UFL1: variants seen among roughly 807,000 people sequenced by gnomAD.
UFL1 encodes E3 UFM1-protein ligase 1.
UFL1 carries 78 observed loss-of-function variants against 99.3 expected under a neutral mutation model. That is an observed-to-expected ratio of 0.79 (90% confidence interval 0.65 to 0.95). The LOEUF (loss-of-function observed/expected upper bound fraction) is 0.95. Among genes scored for constraint, UFL1 ranks in the 40% least tolerant of loss-of-function variants. The pLI, the probability that UFL1 is intolerant of heterozygous loss-of-function variation, is 0.00. For synonymous variants in UFL1, 335 were observed against 322.2 expected (o/e 1.04, Z -0.42); for missense variants, 936 against 937.0 (o/e 1.00, Z 0.01).
intron 13 of UFL1, among the ~76,000 whole-genome samples, 193 bp downstream of exon 13, chr6:96,548,474 C>T (rs534144324): frequency 6.6e-6 from 1 of 151,584 alleles, no homozygotes; most frequent in South Asian, 2.1e-4. Context: ...TTGTTAGGTG[C>T]TTTGGGTAAA....
chr6:96,546,099 C>T (rs1370747465), intron 12 of UFL1, among the ~76,000 whole-genome samples: 1 of 151,028 alleles, frequency 6.6e-6, no homozygotes, highest in Non-Finnish European at 1.5e-5. Context: ...TCTGATGACA[C>T]GATCATATAC....
chr6:96,532,460 G>A (rs1769795549), intron 6 of UFL1, among the ~76,000 whole-genome samples: 2 of 152,304 alleles, frequency 1.3e-5, no homozygotes, highest in Middle Eastern at 3.4e-3. Context: ...TCACCAATGT[G>A]GCAGTATTGG....
chr6:96,528,779 A>G, intron 6 of UFL1, 147 bp downstream of exon 6: 1 of 1,081,766 alleles, frequency 9.2e-7, no homozygotes, highest in Admixed American at 3.0e-5. Flanking sequence ...CAGCTTTTGT[A>G]AAATAGAAAT....
chr6:96,531,771 C>A (rs1290088897), intron 6 of UFL1, among the ~76,000 whole-genome samples: 1 of 152,096 alleles, frequency 6.6e-6, no homozygotes, highest in Non-Finnish European at 1.5e-5. Context: ...TAATTTTCAT[C>A]AAAATCAGCT....
chr6:96,528,690 T>C, intron 6 of UFL1, 58 bp downstream of exon 6: 1 of 1,509,608 alleles, frequency 6.6e-7, no homozygotes, highest in Non-Finnish European at 8.9e-7. Context: ...GTTTGCATTT[T>C]TTTCCTAGCA....
intron 17 of UFL1, among the ~76,000 whole-genome samples, 174 bp from the exon 18 acceptor site, chr6:96,552,308 T>C (rs1242915213): frequency 1.3e-5 from 2 of 152,092 alleles, no homozygotes; most frequent in Non-Finnish European, 2.9e-5. Flanking sequence ...CACACTAATC[T>C]ATCCATGCCA....
chr6:96,532,259 G>A (rs914521275), intron 6 of UFL1, among the ~76,000 whole-genome samples: 3 of 152,156 alleles, frequency 2.0e-5, no homozygotes, highest in African/African-American at 4.8e-5. Context: ...GTCCTTCAAG[G>A]AGCCTTCTAC....
intron 5 of UFL1, 142 bp from the exon 6 acceptor site, chr6:96,528,360 A>G (rs1269651294): frequency 3.1e-6 from 3 of 976,014 alleles, no homozygotes; most frequent in Non-Finnish European, 4.4e-6. Flanking sequence ...TAGTTGATAT[A>G]TCTTGTAATC....
chr6:96,525,390 G>C lies in UFL1; in HGVS notation c.346G>C (p.Asp116His). The C allele has an allele frequency of 6.3e-7, 1 of 1,596,002 alleles. No homozygotes were observed. The highest frequency in any genetic ancestry group is 8.6e-7 in the Non-Finnish European group (1 of 1,168,792). The stretch of plus-strand genomic sequence containing the variant: ...TCAGTTAGTGTTGGGACAACTGATA[G>C]ATGAGTAAGTACAATAAAGTACAAA... Reference protein sequence around the residue: ...HVQLVLGQLIDENYLDRLAEE... With the variant: ...HVQLVLGQLIHENYLDRLAEE... Residue 116 changes from aspartate (D) to histidine (H), a missense_variant, in exon 4 of 19, where the codon GAT becomes CAT. Physicochemically the swap from Asp to His is moderately conservative, Grantham distance 81 (BLOSUM62 -1). Coordinates refer to ENST00000369278, the MANE Select transcript of UFL1 (RefSeq NM_015323.5).
At chr6:96,550,183 T>C (rs545748556) in intron 15 of UFL1, among the ~76,000 whole-genome samples, 14 of 151,984 alleles carry the variant, frequency 9.2e-5, no homozygotes, top group Admixed American at 7.9e-4. Context: ...TTTTTAAAAC[T>C]CTAATCTCAA....
Position 96,548,157 on chromosome 6 carries a change from G to T in UFL1, c.1403-7G>T. On this transcript the variant is annotated splice_region_variant and splice_polypyrimidine_tract_variant and intron_variant, in intron 12 of 18. Coordinates refer to ENST00000369278, the MANE Select transcript of UFL1 (RefSeq NM_015323.5). ...TATTTATTTGCCATTGCTCATGTCC[G>T]ATATAGGAAAGAAGAAGCCAGAGAT... The T allele has an allele frequency of 1.3e-6, 2 of 1,560,530 alleles. No individual in the cohort carries two copies. Among genetic ancestry groups the T allele is most frequent in the Middle Eastern group, 1.7e-4 (1 of 5,956 alleles).
In UFL1 at chr6:96,537,546, T is replaced by C; in HGVS notation, c.975T>C (p.Ile325=). The C allele has an allele frequency of 6.3e-7, 1 of 1,579,026 alleles. No individual in the cohort carries two copies. The highest frequency in any genetic ancestry group is 2.3e-5 in the East Asian group (1 of 43,624). Residue 325 remains isoleucine, a synonymous_variant, in exon 9 of 19, where the codon ATT becomes ATC. Coordinates refer to ENST00000369278, the MANE Select transcript of UFL1 (RefSeq NM_015323.5). ...EAISSGTWVD[I]APLLPTSLSV... is the part of the protein sequence containing the mutation. ...TCAGCTCTGGAACATGGGTTGATAT[T>C]GCAGTATGTTTTATCTTTTCCTCAC...
rs761765154 is a variant in UFL1, at chr6:96,549,690, C to A, written c.1709C>A (p.Thr570Asn). 8 of 1,611,520 alleles carry A rather than the reference C, an allele frequency of 5.0e-6. No homozygotes were observed. In the East Asian group the frequency reaches 6.7e-5, roughly 13 times the overall value. ...FFADDTQAAL[T>N]KHLLKSVCTD... ...CCAGATGACACACAGGCTGCTCTTA[C>A]CAAACACTTGCTGAAGTCAGTGTGT... The change falls in exon 15 of 19, where the codon ACC (threonine) becomes AAC (asparagine). Residue 570 changes from threonine (T) to asparagine (N), a missense_variant. Coordinates refer to ENST00000369278, the MANE Select transcript of UFL1 (RefSeq NM_015323.5).
chr6:96,525,070 TTC>T (rs1769679448), intron 3 of UFL1, among the ~76,000 whole-genome samples: 1 of 151,756 alleles, frequency 6.6e-6, no homozygotes, highest in Admixed American at 6.6e-5. Flanking sequence ...ATTTCTTTCT[TTC>T]TTTTTTTTTT....
chr6:96,544,384 A>G (rs1186727794), intron 12 of UFL1, among the ~76,000 whole-genome samples: 1 of 150,834 alleles, frequency 6.6e-6, no homozygotes, highest in Non-Finnish European at 1.5e-5. Context: ...CCTCTTCCTT[A>G]TCCCCAGCAA....
chr6:96,549,650 A>G lies in UFL1; in HGVS notation c.1688-19A>G, dbSNP rs1371011631. The G allele has an allele frequency of 6.9e-6, 11 of 1,596,470 alleles. No individual in the cohort carries two copies. The highest frequency in any genetic ancestry group is 1.4e-5 in the African/African-American group (1 of 73,798). On this transcript the variant is annotated intron_variant, in intron 14 of 18. Transcript: ENST00000369278. Reference sequence around the variant, plus strand: ...TTTGGGGAATAAATTAGTTTTAATAAAGGTCCTTTATTTTCCAGATGACAC... The same window carrying G: ...TTTGGGGAATAAATTAGTTTTAATAGAGGTCCTTTATTTTCCAGATGACAC...
chr6:96,549,782 G>GTAA lies in UFL1; in HGVS notation c.1801_1802insTAA (p.Ala601delinsValThr). Reference sequence around the variant, plus strand: ...TTTAATGATGGCAGTAGACGATCCTGCAGCCATTACAAGTGAAGTATGTTA... The same window carrying GTAA: ...TTTAATGATGGCAGTAGACGATCCTGTAACAGCCATTACAAGTGAAGTATGTTA... On this transcript the variant is annotated protein_altering_variant, in exon 15 of 19. Transcript: ENST00000369278. The GTAA allele has an allele frequency of 6.2e-7, 1 of 1,611,582 alleles. No homozygotes were observed. The highest frequency in any genetic ancestry group is 8.5e-7 in the Non-Finnish European group (1 of 1,178,416).
intron 7 of UFL1, among the ~76,000 whole-genome samples, chr6:96,534,741 T>C (rs917438045): frequency 1.3e-5 from 2 of 151,942 alleles, no homozygotes; most frequent in African/African-American, 4.8e-5. Flanking sequence ...ATTCTTATCA[T>C]TCAAACAACA....
chr6:96,537,244 TGGAGTTAGA>T, intron 8 of UFL1, 121 bp from the exon 9 acceptor site: 1 of 587,234 alleles, frequency 1.7e-6, no homozygotes, highest in Non-Finnish European at 2.7e-6. Context: ...TTATTTGGGG[TGGAGTTAGA>T]GGAGTTAAGA....
Sources: gnomAD v4.1 joint callset for allele counts (sites outside exome capture counted in the v4.1 genomes callset) on GRCh38, gnomAD v4.1.1 for gene constraint, MANE v1.5 for transcripts, NCBI Gene and HGNC (gene_info 2026-07-23, HGNC 2026-07-21) for gene names.